The following EMCN variants were observed in gnomAD, a reference collection of about 807,000 sequenced individuals.
EMCN encodes endomucin, also known as MUC-14.
A neutral mutation model predicts 38.4 loss-of-function variants in EMCN; 37 were observed. The ratio of observed to expected loss-of-function variants is 0.96; its 90% confidence interval spans 0.74 to 1.27. The LOEUF is 1.27. EMCN is among the 50% of genes most tolerant of loss of function. The pLI is 0.00. For missense variants in EMCN, 318 were observed against 302.8 expected (o/e 1.05, Z -0.37); for synonymous variants, 95 against 100.8 (o/e 0.94, Z 0.35).
intron 4 of EMCN, among the ~76,000 whole-genome samples, chr4:100,460,996 A>G (rs985664611): frequency 1.3e-5 from 2 of 152,168 alleles, no homozygotes; most frequent in Non-Finnish European, 2.9e-5. Context: ...TGTGTATCCA[A>G]TTAGAATAAA....
chr4:100,451,479 AC>A (rs1482045370), intron 4 of EMCN, among the ~76,000 whole-genome samples: 1 of 151,898 alleles, frequency 6.6e-6, no homozygotes, highest in Non-Finnish European at 1.5e-5. Flanking sequence ...CAAGAGGACC[AC>A]CCTGGTTAGA....
At chr4:100,446,189 G>A in intron 5 of EMCN, 1 of 985,222 alleles carries the variant, frequency 1.0e-6, no homozygotes, top group Non-Finnish European at 1.2e-6. Context: ...TTCTCTGACT[G>A]GATGCACTGT....
At chr4:100,433,394 G>T (rs1273244478) in intron 5 of EMCN, among the ~76,000 whole-genome samples, 1 of 152,118 alleles carries the variant, frequency 6.6e-6, no homozygotes, top group Non-Finnish European at 1.5e-5. Flanking sequence ...CGTCTTGGCT[G>T]TCATGAAAAT....
intron 10 of EMCN, among the ~76,000 whole-genome samples, chr4:100,411,100 C>G (rs1366828640): frequency 6.6e-6 from 1 of 152,168 alleles, no homozygotes; most frequent in Non-Finnish European, 1.5e-5. Flanking sequence ...TTATCTGCCA[C>G]TTGTTAGGAA....
At position 100,517,881 on chromosome 4, in the gene EMCN, G is replaced by C; in HGVS notation, c.34C>G (p.Leu12Val). The C allele has an allele frequency of 6.2e-7, 1 of 1,612,816 alleles. No individual in the cohort carries two copies. The highest frequency in any genetic ancestry group is 8.5e-7 in the Non-Finnish European group (1 of 1,179,034). Residue 12 changes from leucine to valine, a missense_variant, in exon 1 of 12, where the codon CTG becomes GTG. Coordinates refer to ENST00000296420, the MANE Select transcript of EMCN (RefSeq NM_016242.4). ...ELLQVTILFL[L>V]PSICSSNSTG... ...CTGTTACTGCTGCAAATACTGGGCA[G>C]AAGAAAAAGAATGGTCACTTGAAGC...
chr4:100,440,929 C>CA (rs988981044), intron 5 of EMCN, among the ~76,000 whole-genome samples: 19 of 150,110 alleles, frequency 1.3e-4, no homozygotes, highest in East Asian at 2.0e-4. Context: ...ACTAAAAATA[C>CA]AAAAAAAAAG....
intron 4 of EMCN, among the ~76,000 whole-genome samples, chr4:100,457,766 T>C (rs1728058809): frequency 6.6e-6 from 1 of 152,202 alleles, no homozygotes; most frequent in Non-Finnish European, 1.5e-5. Flanking sequence ...TGTTCTTTTC[T>C]TGTAGTTTTT....
At chr4:100,444,235 T>C (rs1261799491) in intron 5 of EMCN, among the ~76,000 whole-genome samples, 4 of 152,150 alleles carry the variant, frequency 2.6e-5, no homozygotes, top group East Asian at 3.9e-4. Context: ...TTCTTTGGGA[T>C]GTGTTGTGCC....
chr4:100,505,841 G>A (rs1465005511), intron 1 of EMCN, among the ~76,000 whole-genome samples: 1 of 152,014 alleles, frequency 6.6e-6, no homozygotes, highest in Non-Finnish European at 1.5e-5. Flanking sequence ...CTCCACACTG[G>A]CATGACCTAC....
At chr4:100,405,655 G>C (rs750044366) in intron 11 of EMCN, among the ~76,000 whole-genome samples, 5 of 151,908 alleles carry the variant, frequency 3.3e-5, no homozygotes, top group African/African-American at 7.2e-5. Context: ...TTTGCATCTA[G>C]GTTCATCAGA....
At chr4:100,462,140 A>G (rs535112962) in intron 4 of EMCN, among the ~76,000 whole-genome samples, 2 of 152,314 alleles carry the variant, frequency 1.3e-5, no homozygotes, top group African/African-American at 4.8e-5. Context: ...AATAAATGTA[A>G]TAATAAATTC....
At chr4:100,428,011 C>T (rs1470124131) in intron 5 of EMCN, among the ~76,000 whole-genome samples, 2 of 152,016 alleles carry the variant, frequency 1.3e-5, no homozygotes, top group Non-Finnish European at 2.9e-5. Flanking sequence ...GCCATCTACT[C>T]TGTGATCACC....
At chr4:100,426,548 TA>T (rs1727050602) in intron 5 of EMCN, among the ~76,000 whole-genome samples, 1 of 152,144 alleles carries the variant, frequency 6.6e-6, no homozygotes, top group Non-Finnish European at 1.5e-5. Context: ...TTTCCCCTAA[TA>T]AAATCCTTGT....
At chr4:100,460,094 C>G (rs1183684626) in intron 4 of EMCN, among the ~76,000 whole-genome samples, 4 of 152,068 alleles carry the variant, frequency 2.6e-5, no homozygotes, top group Admixed American at 2.0e-4. Flanking sequence ...CTTTTTATCT[C>G]TCATCTTTTT....
chr4:100,459,233 T>G (rs1728107135), intron 4 of EMCN, among the ~76,000 whole-genome samples: 1 of 142,508 alleles, frequency 7.0e-6, no homozygotes. Context: ...CTCTCTCATC[T>G]CTAGAGAGAG....
intron 4 of EMCN, among the ~76,000 whole-genome samples, chr4:100,463,099 A>G (rs1267520366): frequency 1.3e-5 from 2 of 152,152 alleles, no homozygotes; most frequent in Non-Finnish European, 2.9e-5. Flanking sequence ...CATAGAAATT[A>G]CTTATATCAT....
chr4:100,450,183 T>G (rs1473757206), intron 4 of EMCN, among the ~76,000 whole-genome samples: 3 of 152,020 alleles, frequency 2.0e-5, no homozygotes. Flanking sequence ...ATTAGCAGTG[T>G]GCTTAGTTAA....
intron 4 of EMCN, among the ~76,000 whole-genome samples, chr4:100,452,829 GA>G (rs563209634): frequency 3.6e-4 from 55 of 152,106 alleles, no homozygotes; most frequent in African/African-American, 1.3e-3. Context: ...CCAAAACAGA[GA>G]TATAGACCAA....
chr4:100,487,583 G>C (rs1349278989), intron 1 of EMCN, among the ~76,000 whole-genome samples: 5 of 152,208 alleles, frequency 3.3e-5, no homozygotes, highest in African/African-American at 1.2e-4. Flanking sequence ...TGTCAAGGGA[G>C]AGACCAGATG....
Sources: gnomAD v4.1 joint callset for allele counts (sites outside exome capture counted in the v4.1 genomes callset) on GRCh38, gnomAD v4.1.1 for gene constraint, MANE v1.5 for transcripts, NCBI Gene and HGNC (gene_info 2026-07-23, HGNC 2026-07-21) for gene names.